The following KIF26B variants were observed in gnomAD, a reference collection of about 807,000 sequenced individuals.
KIF26B encodes kinesin family member 26B.
A neutral mutation model predicts 151.2 loss-of-function variants in KIF26B; 63 were observed. The ratio of observed to expected loss-of-function variants is 0.42; its 90% CI spans 0.34 to 0.51. The LOEUF is 0.51. Among genes scored for constraint, KIF26B ranks in the 20% least tolerant of loss-of-function variants. The probability of loss-of-function intolerance (pLI) is 0.07; values close to 1 mark genes in which losing one functional copy is unlikely to be tolerated. For synonymous variants in KIF26B, 1,357 were observed against 1,262.1 expected (o/e 1.08, Z -1.59); for missense variants, 2,813 against 2,913.6 (o/e 0.97, Z 0.79).
At chr1:245,649,541 C>G (rs1026426722) in intron 10 of KIF26B, among the ~76,000 whole-genome samples, 1 of 152,218 alleles carries the variant, frequency 6.6e-6, no homozygotes, top group African/African-American at 2.4e-5. Context: ...GGGTGTCAAG[C>G]CTTGTCTTTG....
chr1:245,501,123 C>T (rs543194877), intron 4 of KIF26B, among the ~76,000 whole-genome samples: 106 of 152,270 alleles, frequency 7.0e-4, no homozygotes, highest in Middle Eastern at 3.4e-3. Flanking sequence ...ACAGAACAGT[C>T]GTTTAGAGAA....
Position 245,444,094 on chromosome 1 carries a change from T to C in KIF26B, c.1166+24349T>C, listed in dbSNP as rs943782569. Among the ~76,000 whole-genome samples the C allele has an allele frequency of 4.5e-5, 6 of 134,388 alleles. No homozygotes were observed. The Admixed American group carries it at 4.6e-4, about 10-fold the overall frequency. The allele number at this position is 134,388 out of a possible 152,430, so 88.2% of individuals were successfully genotyped here. A position where few individuals can be genotyped will look rare whatever the true frequency, so the allele number is the denominator to read the frequency against. On this transcript the variant is annotated intron_variant, in intron 4 of 14. Transcript: ENST00000407071. The stretch of plus-strand genomic sequence containing the variant: ...ATCTCCCTCACTGTTCACCCTGCGG[T>C]CATCTCCCTCACTGTTCACCTAGAG...
chr1:245,298,248 C>T lies in KIF26B; in HGVS notation c.466-68586C>T, dbSNP rs538036252. ...TCACTACGAGTAGGCTCATACTATA[C>T]AAATATTAGTTTCTAGAGTCCATTG... On this transcript the variant is annotated intron_variant, in intron 2 of 14. Transcript: ENST00000407071. Among the ~76,000 whole-genome samples, 3 of 152,280 alleles carry T rather than the reference C, an allele frequency of 2.0e-5. No individual in the cohort carries two copies. The South Asian group carries it at 6.2e-4, about 32-fold the overall frequency.
chr1:245,614,003 G>T (rs1050253631), intron 9 of KIF26B, among the ~76,000 whole-genome samples: 12 of 152,150 alleles, frequency 7.9e-5, no homozygotes, highest in Admixed American at 3.9e-4. Context: ...TGTTGTCCTG[G>T]TTTTGCGTTT....
At chr1:245,251,340 G>A (rs1670441625) in intron 2 of KIF26B, among the ~76,000 whole-genome samples, 1 of 152,152 alleles carries the variant, frequency 6.6e-6, no homozygotes, top group Non-Finnish European at 1.5e-5. Flanking sequence ...TTGCAGGCAG[G>A]TCTTCTAACT....
chr1:245,344,450 G>C (rs1431046826), intron 2 of KIF26B, among the ~76,000 whole-genome samples: 4 of 140,224 alleles, frequency 2.9e-5, no homozygotes, highest in African/African-American at 5.4e-5. Context: ...AGCCGAGATC[G>C]CGCCACTGCA....
Position 245,644,479 on chromosome 1 carries a change from T to C in KIF26B, c.2099-1642T>C, listed in dbSNP as rs547586865. 2.6e-5 allele frequency among the ~76,000 whole-genome samples: 4 copies of C among 152,372 alleles called. 1 individual carries two copies. The East Asian group carries it at 7.7e-4, about 29-fold the overall frequency. On this transcript the variant is annotated intron_variant, in intron 9 of 14. Transcript: ENST00000407071. ...TTCTAGGTTGGTTTCAGTTATCTCTTCATTATGGGTTTCATTTTCCCGAGT... is the reference window on the plus strand; with the variant it reads ...TTCTAGGTTGGTTTCAGTTATCTCTCCATTATGGGTTTCATTTTCCCGAGT...
intron 3 of KIF26B, among the ~76,000 whole-genome samples, chr1:245,396,427 G>C (rs6675548): frequency 0.23 from 35,381 of 151,710 alleles, 6,346 homozygotes; most frequent in African/African-American, 0.5. Flanking sequence ...TAATCATATG[G>C]CTTCAAACCT....
chr1:245,583,994 T>G (rs1371378153), intron 5 of KIF26B, among the ~76,000 whole-genome samples: 1 of 152,196 alleles, frequency 6.6e-6, no homozygotes, highest in Non-Finnish European at 1.5e-5. Flanking sequence ...GTCTTCTGAT[T>G]TTAATAACTG....
chr1:245,664,447 T>TA (rs200543440), intron 10 of KIF26B, among the ~76,000 whole-genome samples: 1 of 151,462 alleles, frequency 6.6e-6, no homozygotes, highest in Non-Finnish European at 1.5e-5. Context: ...CCTTTGCTTT[T>TA]TTTTTTCTCC....
chr1:245,157,647 G>A (rs923972458), intron 2 of KIF26B, among the ~76,000 whole-genome samples: 6 of 152,242 alleles, frequency 3.9e-5, no homozygotes, highest in African/African-American at 1.2e-4. Context: ...CACAGACGCT[G>A]TGAAACTTAA....
At chr1:245,608,444 C>G (rs1376429236) in intron 7 of KIF26B, among the ~76,000 whole-genome samples, 1 of 152,238 alleles carries the variant, frequency 6.6e-6, no homozygotes, top group Admixed American at 6.5e-5. Context: ...GGACAGAAAG[C>G]CATTGCCTCT....
At chr1:245,633,812 G>T (rs926705604) in intron 9 of KIF26B, among the ~76,000 whole-genome samples, 1 of 151,938 alleles carries the variant, frequency 6.6e-6, no homozygotes, top group Non-Finnish European at 1.5e-5. Context: ...TGTTGTAAAT[G>T]GTATTTTTAA....
At position 245,559,556 on chromosome 1, in the gene KIF26B, C is replaced by T. The variant is rs577610708; in HGVS notation, c.1350+18606C>T. ...GCCTTCCAAGTAGCTGGGAGACAGG[C>T]GCACGCCCCCACACCTGCCTAATTT... On this transcript the variant is annotated intron_variant, in intron 5 of 14. Coordinates refer to ENST00000407071, the MANE Select transcript of KIF26B (RefSeq NM_018012.4). Among the ~76,000 whole-genome samples the T allele has an allele frequency of 2.4e-4, 36 of 152,132 alleles. 1 individual carries two copies. The South Asian group carries it at 5.6e-3, about 24-fold the overall frequency.
chr1:245,273,294 A>G (rs898476677), intron 2 of KIF26B, among the ~76,000 whole-genome samples: 4 of 152,174 alleles, frequency 2.6e-5, no homozygotes, highest in Non-Finnish European at 4.4e-5. Flanking sequence ...GGCACATGCC[A>G]GTCATCTCAG....
At chr1:245,157,724 C>A (rs1668469796) in intron 2 of KIF26B, among the ~76,000 whole-genome samples, 1 of 152,222 alleles carries the variant, frequency 6.6e-6, no homozygotes, top group Non-Finnish European at 1.5e-5. Flanking sequence ...GAATAATGAA[C>A]TCGTGGATGG....
intron 4 of KIF26B, among the ~76,000 whole-genome samples, chr1:245,466,234 T>C (rs1479584533): frequency 6.6e-6 from 1 of 152,206 alleles, no homozygotes; most frequent in African/African-American, 2.4e-5. Flanking sequence ...TAAAAAATCC[T>C]GGGGTTTGTG....
At position 245,495,979 on chromosome 1, in the gene KIF26B, C is replaced by T. The variant is rs139800272; in HGVS notation, c.1167-44788C>T. Among the ~76,000 whole-genome samples the T allele has an allele frequency of 2.8e-4, 42 of 152,148 alleles. No homozygotes were observed. The highest frequency in any genetic ancestry group is 1.3e-3 in the Admixed American group (20 of 15,276). On this transcript the variant is annotated intron_variant, in intron 4 of 14. Transcript: ENST00000407071. The surrounding 1 kb of genome is among the most constrained non-coding windows in gnomAD (Gnocchi z 4.2). ...AGTTTACAAACTTAATAAAGATATT[C>T]GTCAAACATTGAAGTGAAATAAAGA...
At chr1:245,242,081 G>A (rs569789006) in intron 2 of KIF26B, among the ~76,000 whole-genome samples, 1 of 152,160 alleles carries the variant, frequency 6.6e-6, no homozygotes, top group South Asian at 2.1e-4. Context: ...GCATCTCAAA[G>A]CTCACGTTAT....
Sources: gnomAD v4.1 joint callset for allele counts (sites outside exome capture counted in the v4.1 genomes callset) on GRCh38, gnomAD v4.1.1 for gene constraint, Gnocchi (gnomAD v3.1) non-coding constraint, MANE v1.5 for transcripts, NCBI Gene and HGNC (gene_info 2026-07-23, HGNC 2026-07-21) for gene names.